PDE6D: variants seen among roughly 807,000 people sequenced by gnomAD.
The protein encoded by PDE6D is retinal rod rhodopsin-sensitive cGMP 3',5'-cyclic phosphodiesterase subunit delta.
A neutral mutation model predicts 21.9 loss-of-function variants in PDE6D; 10 were observed. The ratio of observed to expected loss-of-function variants is 0.46; its 90% CI spans 0.28 to 0.78. PDE6D has a LOEUF of 0.78. Ranked by LOEUF, PDE6D falls within the 30% of genes least tolerant of loss-of-function variation. The pLI, the probability that PDE6D is intolerant of heterozygous loss-of-function variation, is 0.12. For missense variants in PDE6D, 139 were observed against 184.8 expected (o/e 0.75, Z 1.44); for synonymous variants, 59 against 63.5 (o/e 0.93, Z 0.34).
chr2:231,764,251 T>TCAA (rs920770982), intron 1 of PDE6D, among the ~76,000 whole-genome samples: 10 of 152,010 alleles, frequency 6.6e-5, no homozygotes, highest in Admixed American at 2.6e-4. Context: ...AGACTGTGTC[T>TCAA]CAACAACAAC....
chr2:231,770,128 T>A (rs531232102), intron 1 of PDE6D, among the ~76,000 whole-genome samples: 1 of 152,332 alleles, frequency 6.6e-6, no homozygotes, highest in African/African-American at 2.4e-5. Context: ...CGTTGTGGGA[T>A]AAATTTTGTG....
chr2:231,761,099 C>T (rs905766072), intron 1 of PDE6D, among the ~76,000 whole-genome samples: 2 of 152,080 alleles, frequency 1.3e-5, no homozygotes, highest in Non-Finnish European at 2.9e-5. Context: ...TCTTCTGAGA[C>T]CATTTCTATA....
At chr2:231,753,073 C>T (rs1176480557) in intron 1 of PDE6D, among the ~76,000 whole-genome samples, 24 of 148,764 alleles carry the variant, frequency 1.6e-4, no homozygotes, top group African/African-American at 9.8e-5. Flanking sequence ...CCTCGTGATC[C>T]GCCCGCCTCG....
At chr2:231,740,680 C>CAAAAA (rs3074722) in intron 1 of PDE6D, among the ~76,000 whole-genome samples, 2 of 57,006 alleles carry the variant, frequency 3.5e-5, no homozygotes, top group African/African-American at 5.7e-5. Context: ...GACCCTGTCT[C>CAAAAA]AAAAAAAAAA....
rs2048660554 is a variant in PDE6D, at chr2:231,732,586, C to T, written c.*366G>A. 6.0e-6 allele frequency: 1 copy of T among 168,024 alleles called. No individual in the cohort carries two copies. The highest frequency in any genetic ancestry group is 2.4e-5 in the African/African-American group (1 of 42,024). The allele number at this position is 168,024 out of a possible 1,614,324, so 10.4% of individuals were successfully genotyped here. On this transcript the variant is annotated 3_prime_UTR_variant, in exon 5 of 5. Transcript: ENST00000287600. ...CAGGAACACGGAATTTTTCCAAAAC[C>T]AGGGGCCAAAGGTAGATGTGTAGCC...
chr2:231,761,541 T>G (rs142714946), intron 1 of PDE6D, among the ~76,000 whole-genome samples: 2,037 of 152,312 alleles, frequency 0.013, 16 homozygotes, highest in East Asian at 0.025. Context: ...TTAACTATTT[T>G]TGCATTTCTC....
Position 231,777,223 on chromosome 2 carries a change from A to G in PDE6D, c.50+3842T>C, listed in dbSNP as rs139926198. Among the ~76,000 whole-genome samples, 6 of 152,354 alleles carry G rather than the reference A, an allele frequency of 3.9e-5. No homozygotes were observed. In the East Asian group the frequency reaches 7.7e-4, roughly 20 times the overall value. ...GGGGTGAAGGTGATACAAGAATAAA[A>G]TCTTATAAGATTTTGTTTTTGAAAC... On this transcript the variant is annotated intron_variant, in intron 1 of 4. Transcript: ENST00000287600.
intron 4 of PDE6D, among the ~76,000 whole-genome samples, chr2:231,736,498 T>C (rs575386812): frequency 1.3e-5 from 2 of 152,260 alleles, no homozygotes; most frequent in African/African-American, 4.8e-5. Context: ...GAAGGTACTA[T>C]TACTATAACA....
rs2048717639 is a variant in PDE6D at position 231,738,076 on chromosome 2, T to C, written c.202A>G (p.Thr68Ala). 6.2e-7 allele frequency: 1 copy of C among 1,613,878 alleles called. No individual in the cohort carries two copies. Among genetic ancestry groups the C allele is most frequent in the African/African-American group, 1.3e-5 (1 of 74,914 alleles). The change falls in exon 3 of 5, where the codon ACA (threonine) becomes GCA (alanine). Residue 68 changes from threonine to alanine, a missense_variant. Transcript: ENST00000287600. ...AVSRELNFSS[T>A]EQMEKFRLEQ... ...AGGCGGAATTTTTCCATTTGTTCTGTCGAAGAAAAATTAAGTTCTCGAGAC... is the reference window on the plus strand; with the variant it reads ...AGGCGGAATTTTTCCATTTGTTCTGCCGAAGAAAAATTAAGTTCTCGAGAC...
At chr2:231,754,143 A>G (rs565153453) in intron 1 of PDE6D, among the ~76,000 whole-genome samples, 1 of 152,332 alleles carries the variant, frequency 6.6e-6, no homozygotes, top group African/African-American at 2.4e-5. Context: ...CCTAACTTAG[A>G]GGATCCCTGT....
intron 1 of PDE6D, among the ~76,000 whole-genome samples, chr2:231,763,664 C>T (rs1171378877): frequency 1.4e-5 from 2 of 144,244 alleles, no homozygotes; most frequent in African/African-American, 2.6e-5. Context: ...GAGACAGGGT[C>T]TCACTCTGTT....
intron 1 of PDE6D, among the ~76,000 whole-genome samples, chr2:231,753,007 A>G (rs1309297097): frequency 1.3e-5 from 2 of 149,408 alleles, no homozygotes; most frequent in Non-Finnish European, 3.0e-5. Context: ...AATTTTTTGT[A>G]TTTTTAGTAG....
chr2:231,746,574 G>A (rs2048795652), intron 1 of PDE6D, among the ~76,000 whole-genome samples: 1 of 152,148 alleles, frequency 6.6e-6, no homozygotes. Flanking sequence ...GAGTACACTG[G>A]TTCTGAGAGA....
chr2:231,761,179 CTT>C (rs962697536), intron 1 of PDE6D, among the ~76,000 whole-genome samples: 2 of 147,618 alleles, frequency 1.4e-5, no homozygotes, highest in African/African-American at 2.5e-5. Context: ...ATCAATAATT[CTT>C]TTTTTTTTTT....
chr2:231,753,616 G>T (rs2048860825), intron 1 of PDE6D, among the ~76,000 whole-genome samples: 1 of 151,398 alleles, frequency 6.6e-6, no homozygotes, highest in Non-Finnish European at 1.5e-5. Flanking sequence ...AATAATAAAA[G>T]ATAAAAATAT....
chr2:231,738,350 T>C (rs1459178992), intron 2 of PDE6D, among the ~76,000 whole-genome samples: 2 of 152,196 alleles, frequency 1.3e-5, no homozygotes, highest in Admixed American at 1.3e-4. Context: ...GTCACCCGTA[T>C]CTGAAAGATA....
intron 1 of PDE6D, chr2:231,779,360 T>C (rs2049083009): frequency 6.6e-6 from 1 of 152,254 alleles, no homozygotes; most frequent in Non-Finnish European, 1.5e-5. Context: ...GAGCTAAGAC[T>C]GAAGGTGAGA....
chr2:231,742,931 C>T (rs2048761890), intron 1 of PDE6D, among the ~76,000 whole-genome samples: 3 of 152,102 alleles, frequency 2.0e-5, no homozygotes, highest in East Asian at 3.9e-4. Flanking sequence ...GCCAACCTGC[C>T]CTTTCCTACT....
intron 1 of PDE6D, among the ~76,000 whole-genome samples, chr2:231,748,539 C>T (rs1055611598): frequency 1.1e-4 from 17 of 152,188 alleles, no homozygotes; most frequent in South Asian, 4.1e-4. Flanking sequence ...AAAAGAAAAA[C>T]CAATTTTCTG....
Sources: allele counts gnomAD v4.1 joint callset (sites outside exome capture counted in the v4.1 genomes callset), GRCh38; gene constraint gnomAD v4.1.1; transcripts MANE v1.5; gene names NCBI Gene and HGNC (gene_info 2026-07-23, HGNC 2026-07-21).